The following EHD4 variants were observed in gnomAD, a reference collection of about 807,000 sequenced individuals.
The protein encoded by EHD4 is EH domain containing 4.
A neutral mutation model predicts 51.0 loss-of-function variants in EHD4; 37 were observed. The ratio of observed to expected loss-of-function variants is 0.73; its 90% CI spans 0.56 to 0.95. EHD4 has a LOEUF of 0.95. Among genes scored for constraint, EHD4 ranks in the 40% least tolerant of loss-of-function variants. EHD4 has a pLI of 0.00. For synonymous variants in EHD4, 297 were observed against 317.3 expected (o/e 0.94, Z 0.68); for missense variants, 632 against 733.1 (o/e 0.86, Z 1.59).
chr15:41,946,334 C>A (rs1277193654), intron 2 of EHD4, among the ~76,000 whole-genome samples: 1 of 152,160 alleles, frequency 6.6e-6, no homozygotes, highest in Non-Finnish European at 1.5e-5. Context: ...CATATCCTCT[C>A]CACGTCTAAG....
chr15:41,938,816 T>C lies in EHD4; in HGVS notation c.511+4251A>G, dbSNP rs547239830. On this transcript the variant is annotated intron_variant, in intron 3 of 5. Coordinates refer to ENST00000220325, the MANE Select transcript of EHD4 (RefSeq NM_139265.4). ...CACCTTGAAAATGCCAAATGCTAAATAGATTGATAAGAATACCAGTTGCTA... is the reference window on the plus strand; with the variant it reads ...CACCTTGAAAATGCCAAATGCTAAACAGATTGATAAGAATACCAGTTGCTA... 3.3e-5 allele frequency among the ~76,000 whole-genome samples: 5 copies of C among 152,332 alleles called. No homozygotes were observed. In the East Asian group the frequency reaches 5.8e-4, roughly 18 times the overall value.
intron 5 of EHD4, among the ~76,000 whole-genome samples, chr15:41,904,534 T>C (rs1223275134): frequency 6.6e-6 from 1 of 152,130 alleles, no homozygotes; most frequent in African/African-American, 2.4e-5. Context: ...CCATCAACAG[T>C]TGTATCCACT....
At chr15:41,909,600 C>T (rs747290922) in intron 5 of EHD4, 99 bp downstream of exon 5, 5 of 1,419,836 alleles carry the variant, frequency 3.5e-6, no homozygotes, top group African/African-American at 1.4e-5. Context: ...GTCCTTGATC[C>T]TAAACCATGG....
rs576837732 is a variant in EHD4 at position 41,938,129 on chromosome 15, T to A, written c.511+4938A>T. On this transcript the variant is annotated intron_variant, in intron 3 of 5. Coordinates refer to ENST00000220325, the MANE Select transcript of EHD4 (RefSeq NM_139265.4). ...GAGGTCAGGTGTAGAATTTTCCACT[T>A]GTGGCATCACGTCAAAAAGTTTTGG... is the stretch of plus-strand genomic sequence containing the variant. 3.9e-5 allele frequency among the ~76,000 whole-genome samples: 6 copies of A among 152,340 alleles called. No homozygotes were observed. In the South Asian group the frequency reaches 1.2e-3, roughly 32 times the overall value.
chr15:41,970,278 A>G (rs546695953), intron 1 of EHD4, among the ~76,000 whole-genome samples: 19 of 152,322 alleles, frequency 1.2e-4, no homozygotes, highest in African/African-American at 3.8e-4. Flanking sequence ...CCTTGTGTAC[A>G]TCACCTAACA....
At chr15:41,963,268 G>A (rs146183729) in intron 1 of EHD4, among the ~76,000 whole-genome samples, 5,094 of 134,506 alleles carry the variant, frequency 0.038, 133 homozygotes, top group Non-Finnish European at 0.059. Flanking sequence ...CCCCCTCGGA[G>A]AAACACCCAA....
At chr15:41,936,466 TACTCAA>T (rs1437844326) in intron 3 of EHD4, among the ~76,000 whole-genome samples, 1 of 152,216 alleles carries the variant, frequency 6.6e-6, no homozygotes, top group Non-Finnish European at 1.5e-5. Flanking sequence ...TTATTATTAT[TACTCAA>T]AAGAGTAAGG....
chr15:41,951,484 T>G (rs576620824), intron 2 of EHD4, among the ~76,000 whole-genome samples: 61 of 152,256 alleles, frequency 4.0e-4, no homozygotes, highest in Non-Finnish European at 1.2e-4. Flanking sequence ...TTTTTTTTTT[T>G]GTTAGGAAAG....
chr15:41,898,795 C>T lies in EHD4; in HGVS notation c.*1850G>A, dbSNP rs777398418. ...GAGGTTGCAGTGAACTGAGATTGCG[C>T]CACTGCACTCCAGCCTGGGTGACAG... is the stretch of plus-strand genomic sequence containing the variant. On this transcript the variant is annotated 3_prime_UTR_variant, in exon 6 of 6. Coordinates refer to ENST00000220325, the MANE Select transcript of EHD4 (RefSeq NM_139265.4). 5 of 152,096 alleles carry T rather than the reference C, an allele frequency of 3.3e-5. No homozygotes were observed. Among genetic ancestry groups the T allele is most frequent in the Non-Finnish European group, 7.4e-5 (5 of 68,014 alleles). 9.4% of individuals were successfully genotyped at this position (152,096 alleles called of 1,614,324 possible). A position where few individuals can be genotyped will look rare whatever the true frequency, so the allele number is the denominator to read the frequency against.
At chr15:41,903,802 A>T (rs1239624620) in intron 5 of EHD4, among the ~76,000 whole-genome samples, 1 of 151,968 alleles carries the variant, frequency 6.6e-6, no homozygotes, top group Non-Finnish European at 1.5e-5. Context: ...TAGGGAAGGG[A>T]CTCTGACATA....
intron 3 of EHD4, among the ~76,000 whole-genome samples, chr15:41,925,079 C>T (rs2067652469): frequency 6.8e-6 from 1 of 147,322 alleles, no homozygotes; most frequent in Non-Finnish European, 1.5e-5. Context: ...AAAAAAGGTG[C>T]ATTTAATCAT....
chr15:41,953,641 TG>T lies in EHD4; in HGVS notation c.413+122del. On this transcript the variant is annotated intron_variant, in intron 2 of 5. Coordinates refer to ENST00000220325, the MANE Select transcript of EHD4 (RefSeq NM_139265.4). ...ATATCTTAATATGATAAACATATTT[TG>T]TATGACTTCTAGAGCAGAGATTCTT... 5 of 1,072,430 alleles carry T rather than the reference TG, an allele frequency of 4.7e-6. No homozygotes were observed. The Middle Eastern group carries it at 8.5e-4, about 182-fold the overall frequency. The allele number at this position is 1,072,430 out of a possible 1,614,324, so 66.4% of individuals were successfully genotyped here.
intron 3 of EHD4, among the ~76,000 whole-genome samples, chr15:41,929,233 TG>T (rs2067683277): frequency 6.6e-6 from 1 of 152,264 alleles, no homozygotes; most frequent in Non-Finnish European, 1.5e-5. Flanking sequence ...TCCAAGACTC[TG>T]TAAATTAATT....
rs549372822 is a variant in EHD4 at position 41,939,551 on chromosome 15, C to T, written c.511+3516G>A. ...TGATTATCATTTTAACATTTATATA[C>T]AAACATCTTTAAGTCTTCCTAGACA... On this transcript the variant is annotated intron_variant, in intron 3 of 5. Coordinates refer to ENST00000220325, the MANE Select transcript of EHD4 (RefSeq NM_139265.4). Among the ~76,000 whole-genome samples the T allele has an allele frequency of 4.6e-5, 7 of 152,116 alleles. 1 individual carries two copies. In the South Asian group the frequency reaches 8.3e-4, roughly 18 times the overall value.
chr15:41,949,904 A>G (rs1038844199), intron 2 of EHD4, among the ~76,000 whole-genome samples: 11 of 152,168 alleles, frequency 7.2e-5, no homozygotes, highest in African/African-American at 2.7e-4. Context: ...CAGAGGATCC[A>G]ATGCTCTGGG....
At chr15:41,967,297 G>A (rs1012365783) in intron 1 of EHD4, among the ~76,000 whole-genome samples, 1 of 152,152 alleles carries the variant, frequency 6.6e-6, no homozygotes, top group Non-Finnish European at 1.5e-5. Context: ...AAGCCTGAAT[G>A]AGGGGGTCCC....
At chr15:41,960,838 A>T (rs1326083207) in intron 1 of EHD4, among the ~76,000 whole-genome samples, 3 of 151,864 alleles carry the variant, frequency 2.0e-5, no homozygotes, top group Admixed American at 2.0e-4. Flanking sequence ...ACACTGGGCT[A>T]ATTTTTGTAT....
chr15:41,968,094 C>T (rs1368109123), intron 1 of EHD4, among the ~76,000 whole-genome samples: 1 of 152,148 alleles, frequency 6.6e-6, no homozygotes, highest in Non-Finnish European at 1.5e-5. Context: ...CCGATCACTT[C>T]CTGATTCTTG....
Position 41,972,270 on chromosome 15 carries a change from G to C in EHD4, c.225C>G (p.Thr75=). The change falls in exon 1 of 6, where the codon ACC becomes ACG. Residue 75 remains threonine, a synonymous_variant. Transcript: ENST00000220325. The part of the protein sequence containing the change: ...LLVGQYSTGK[T]TFIRYLLEQD... ...GGCGGTGACGGTACCTGATGAAGGT[G>C]GTCTTGCCGGTGCTGTACTGGCCCA... The C allele has an allele frequency of 6.4e-7, 1 of 1,573,838 alleles. No homozygotes were observed. The highest frequency in any genetic ancestry group is 8.6e-7 in the Non-Finnish European group (1 of 1,162,000).
Sources: gnomAD v4.1 joint callset for allele counts (sites outside exome capture counted in the v4.1 genomes callset) on GRCh38, gnomAD v4.1.1 for gene constraint, MANE v1.5 for transcripts, NCBI Gene and HGNC (gene_info 2026-07-23, HGNC 2026-07-21) for gene names.